PCDH11X: variants seen among roughly 807,000 people sequenced by gnomAD.
The protein encoded by PCDH11X is protocadherin-11 X-linked.
Under a neutral mutation model 53.3 loss-of-function variants are expected in PCDH11X, and 18 were observed. That is an observed-to-expected ratio of 0.34 (90% CI 0.23 to 0.50). PCDH11X has a LOEUF of 0.50. Ranked by LOEUF, PCDH11X falls within the 20% of genes least tolerant of loss-of-function variation. The pLI, the probability that PCDH11X is intolerant of heterozygous loss-of-function variation, is 0.98. For synonymous variants in PCDH11X, 279 were observed against 393.3 expected (o/e 0.71, Z 3.44); for missense variants, 570 against 1,032.4 (o/e 0.55, Z 6.14).
At chrX:92,323,354 G>C (rs2069255912) in intron 8 of PCDH11X, among the ~76,000 whole-genome samples, 1 of 107,720 alleles carries the variant, frequency 9.3e-6, no homozygotes, top group South Asian at 4.2e-4. Flanking sequence ...GCAAGACAAG[G>C]AAGAGAGGTA....
At chrX:91,925,760 C>T (rs1236128876) in intron 6 of PCDH11X, among the ~76,000 whole-genome samples, 1 of 110,794 alleles carries the variant, frequency 9.0e-6, no homozygotes, top group Admixed American at 9.7e-5. Flanking sequence ...GAAAGACTCT[C>T]AAGATTGAGA....
chrX:92,428,345 GA>G (rs1434270899), intron 9 of PCDH11X, among the ~76,000 whole-genome samples: 1 of 111,433 alleles, frequency 9.0e-6, no homozygotes, highest in Non-Finnish European at 1.9e-5. Flanking sequence ...ACCAAGGTGA[GA>G]GTAAATTTTT....
At chrX:92,606,416 C>T (rs1242149507) in intron 10 of PCDH11X, among the ~76,000 whole-genome samples, 1 of 107,862 alleles carries the variant, frequency 9.3e-6, no homozygotes. Flanking sequence ...CAATTAAAGT[C>T]AATAAATAAT....
At chrX:91,808,686 C>A (rs1295197132) in intron 1 of PCDH11X, among the ~76,000 whole-genome samples, 1 of 109,766 alleles carries the variant, frequency 9.1e-6, no homozygotes, top group Non-Finnish European at 1.9e-5. Flanking sequence ...TTAAGGCACT[C>A]CCCTGGGACA....
intron 5 of PCDH11X, among the ~76,000 whole-genome samples, chrX:91,867,250 T>A (rs1384686259): frequency 8.9e-6 from 1 of 111,936 alleles, no homozygotes; most frequent in African/African-American, 3.2e-5. Context: ...TATCATTGTT[T>A]CTCTTAATTC....
intron 6 of PCDH11X, among the ~76,000 whole-genome samples, chrX:92,186,023 A>G (rs1216488028): frequency 9.0e-6 from 1 of 111,675 alleles, no homozygotes; most frequent in Non-Finnish European, 1.9e-5. Flanking sequence ...ATCCAAAGGA[A>G]AGGAAGTCAG....
At chrX:92,015,997 C>A (rs2147989926) in intron 6 of PCDH11X, among the ~76,000 whole-genome samples, 1 of 111,817 alleles carries the variant, frequency 8.9e-6, no homozygotes, top group African/African-American at 3.2e-5. Context: ...GATTCATGGA[C>A]TGCAGGATGA....
chrX:92,531,018 C>T (rs1192091238), intron 10 of PCDH11X, among the ~76,000 whole-genome samples: 4 of 109,786 alleles, frequency 3.6e-5, no homozygotes, highest in Non-Finnish European at 7.6e-5. Flanking sequence ...TTCAATGAAG[C>T]TCCCACATGT....
chrX:92,121,526 A>G (rs768683723), intron 6 of PCDH11X, among the ~76,000 whole-genome samples: 2 of 111,071 alleles, frequency 1.8e-5, no homozygotes, highest in Admixed American at 1.9e-4. Context: ...GTATTTGTAA[A>G]CATATTATGT....
chrX:92,196,600 T>A (rs1324707049), intron 6 of PCDH11X, among the ~76,000 whole-genome samples: 1 of 110,970 alleles, frequency 9.0e-6, no homozygotes, highest in Admixed American at 9.7e-5. Context: ...TAAATTTTTG[T>A]TTTTCAGATA....
intron 1 of PCDH11X, among the ~76,000 whole-genome samples, chrX:91,799,644 G>A (rs2147536446): frequency 8.9e-6 from 1 of 112,259 alleles, no homozygotes; most frequent in Non-Finnish European, 1.9e-5. Context: ...GTATTATTCA[G>A]AGTAGAACTG....
intron 6 of PCDH11X, among the ~76,000 whole-genome samples, chrX:92,199,418 A>C (rs1344974852): frequency 8.9e-6 from 1 of 112,191 alleles, no homozygotes; most frequent in Non-Finnish European, 1.9e-5. Flanking sequence ...ATTCCATAAA[A>C]GGAAAGATCG....
At chrX:92,594,288 T>G (rs1417288565) in intron 10 of PCDH11X, among the ~76,000 whole-genome samples, 1 of 111,612 alleles carries the variant, frequency 9.0e-6, no homozygotes, top group African/African-American at 3.3e-5. Flanking sequence ...TAAGCCCTTT[T>G]TTGATCTAAT....
chrX:92,374,530 T>C (rs1465112820), intron 8 of PCDH11X, among the ~76,000 whole-genome samples: 1 of 108,054 alleles, frequency 9.3e-6, no homozygotes, highest in Non-Finnish European at 1.9e-5. Flanking sequence ...TACTTTAGAA[T>C]ATCAATGAAA....
chrX:92,398,672 C>T (rs1245371503), intron 9 of PCDH11X, among the ~76,000 whole-genome samples: 6 of 110,694 alleles, frequency 5.4e-5, no homozygotes, highest in Non-Finnish European at 1.1e-4. Context: ...CTAAATAACT[C>T]GTTATGAAGA....
intron 7 of PCDH11X, among the ~76,000 whole-genome samples, chrX:92,223,510 T>C (rs1179519426): frequency 8.9e-6 from 1 of 112,059 alleles, no homozygotes; most frequent in Non-Finnish European, 1.9e-5. Context: ...TATACTCACT[T>C]AGTGTTCTTC....
intron 7 of PCDH11X, among the ~76,000 whole-genome samples, chrX:92,252,100 C>T (rs1248058476): frequency 9.0e-6 from 1 of 111,078 alleles, no homozygotes; most frequent in Non-Finnish European, 1.9e-5. Flanking sequence ...ATTATTATTA[C>T]ATTTACCAGT....
intron 6 of PCDH11X, among the ~76,000 whole-genome samples, chrX:92,012,684 A>C (rs1048053235): frequency 1.3e-4 from 14 of 111,533 alleles, no homozygotes; most frequent in African/African-American, 4.6e-4. Flanking sequence ...TAGACCTGGT[A>C]CATGTCCATA....
At chrX:92,445,739 A>G (rs2148640819) in intron 9 of PCDH11X, among the ~76,000 whole-genome samples, 1 of 109,842 alleles carries the variant, frequency 9.1e-6, no homozygotes, top group Non-Finnish European at 1.9e-5. Context: ...TGTTGAATTG[A>G]ATTAAATTAT....
Sources: allele counts gnomAD v4.1 joint callset (sites outside exome capture counted in the v4.1 genomes callset), GRCh38; gene constraint gnomAD v4.1.1; transcripts MANE v1.5; gene names NCBI Gene and HGNC (gene_info 2026-07-23, HGNC 2026-07-21).